Variants in NALF1 observed in about 807,000 individuals in gnomAD.
The protein encoded by NALF1 is family with sequence similarity 155 member A.
In NALF1, 3 loss-of-function variants were observed where a neutral mutation model predicts 48.4. The observed-to-expected ratio is 0.06, with a 90% CI of 0.03 to 0.16. The LOEUF (loss-of-function observed/expected upper bound fraction) is 0.16, where lower values mean the gene tolerates loss of function less well. NALF1 is among the 10% of genes least tolerant of loss of function. NALF1 has a pLI of 1.00. For missense variants in NALF1, 526 were observed against 571.5 expected, an observed-to-expected ratio of 0.92 and a Z score of 0.81; for synonymous variants, 262 against 245.7, an observed-to-expected ratio of 1.07 and a Z score of -0.62.
chr13:107,435,245 G>T (rs931151016), intron 1 of NALF1, among the ~76,000 whole-genome samples: 1 of 151,986 alleles, frequency 6.6e-6, no homozygotes, highest in Admixed American at 6.6e-5. Flanking sequence ...ACAAATCGTT[G>T]AGATGTTCCA....
rs925801802 is a variant in NALF1, at chr13:107,349,472, G to A, written c.916-138717C>T. ...GATAAGAAACTGAGGGCCGGGTGCA[G>A]TGGCTCACACCTGTAATCCCAGCAC... On this transcript the variant is annotated intron_variant, in intron 1 of 2. Transcript: ENST00000375915. Among the ~76,000 whole-genome samples the A allele has an allele frequency of 3.9e-5, 6 of 152,160 alleles. No homozygotes were observed. The East Asian group carries it at 1.2e-3, about 29-fold the overall frequency.
At chr13:107,218,991 AACTTCACAGTAAAT>A (rs1338248442) in intron 1 of NALF1, among the ~76,000 whole-genome samples, 8 of 152,242 alleles carry the variant, frequency 5.3e-5, no homozygotes, top group Non-Finnish European at 1.0e-4. Context: ...CCAGTGAATT[AACTTCACAGTAAAT>A]AAGGAAGCGT....
intron 1 of NALF1, among the ~76,000 whole-genome samples, chr13:107,249,291 C>T (rs536445458): frequency 2.6e-5 from 4 of 151,934 alleles, no homozygotes; most frequent in African/African-American, 7.3e-5. Context: ...TGATTTATAG[C>T]GAGGAAATCT....
At chr13:107,421,972 G>A (rs1884196261) in intron 1 of NALF1, among the ~76,000 whole-genome samples, 1 of 152,126 alleles carries the variant, frequency 6.6e-6, no homozygotes, top group Non-Finnish European at 1.5e-5. Context: ...AGGTGACAGT[G>A]AATAAGGCAT....
intron 1 of NALF1, among the ~76,000 whole-genome samples, chr13:107,476,496 AATCT>A (rs1885178731): frequency 1.3e-5 from 2 of 152,086 alleles, no homozygotes; most frequent in African/African-American, 2.4e-5. Context: ...TGTATTATTA[AATCT>A]ATCTAATTAT....
At chr13:107,540,937 G>GT (rs2139119209) in intron 1 of NALF1, among the ~76,000 whole-genome samples, 1 of 152,170 alleles carries the variant, frequency 6.6e-6, no homozygotes, top group African/African-American at 2.4e-5. Flanking sequence ...GACAATTCCA[G>GT]TAACACTTCA....
chr13:107,783,590 G>A (rs1683708446), intron 1 of NALF1, among the ~76,000 whole-genome samples: 1 of 151,756 alleles, frequency 6.6e-6, no homozygotes, highest in Non-Finnish European at 1.5e-5. Context: ...TCTGAAACAT[G>A]TGCTGTGTCC....
chr13:107,507,079 GT>G (rs1875718880), intron 1 of NALF1, among the ~76,000 whole-genome samples: 1 of 152,016 alleles, frequency 6.6e-6, no homozygotes, highest in Non-Finnish European at 1.5e-5. Flanking sequence ...TGAATAGTTG[GT>G]TCTTTCACGA....
At chr13:107,423,861 A>G (rs899787603) in intron 1 of NALF1, among the ~76,000 whole-genome samples, 2 of 152,204 alleles carry the variant, frequency 1.3e-5, no homozygotes, top group African/African-American at 4.8e-5. Flanking sequence ...TATCTTCCAA[A>G]AGCTTTAGAA....
rs77228679 is a variant in NALF1, at chr13:107,271,709, G to A, written c.916-60954C>T. Among the ~76,000 whole-genome samples the A allele has an allele frequency of 5.0e-3, 740 of 148,568 alleles. 8 individuals carry two copies. Among genetic ancestry groups the A allele is most frequent in the African/African-American group, 0.018 (703 of 39,926 alleles). ...CTAATACAAATAAGGTAAACCCTCA[G>A]AGCCCTGTGTCTGTACAAGTGTGTG... On this transcript the variant is annotated intron_variant, in intron 1 of 2. Transcript: ENST00000375915.
chr13:107,392,869 G>C (rs2138984451), intron 1 of NALF1, among the ~76,000 whole-genome samples: 1 of 152,122 alleles, frequency 6.6e-6, no homozygotes, highest in South Asian at 2.1e-4. Context: ...CTACCATCCT[G>C]GACTCTTGGC....
intron 1 of NALF1, among the ~76,000 whole-genome samples, chr13:107,262,250 A>G (rs1880941810): frequency 6.6e-6 from 1 of 152,044 alleles, no homozygotes; most frequent in Non-Finnish European, 1.5e-5. Context: ...CCCCATCTTT[A>G]CCAAAAATAC....
At chr13:107,305,170 A>G (rs1881911280) in intron 1 of NALF1, among the ~76,000 whole-genome samples, 1 of 152,198 alleles carries the variant, frequency 6.6e-6, no homozygotes, top group Non-Finnish European at 1.5e-5. Context: ...AGTTACAGAC[A>G]CTCACAACAT....
chr13:107,341,640 C>G (rs912021581), intron 1 of NALF1, among the ~76,000 whole-genome samples: 1 of 150,708 alleles, frequency 6.6e-6, no homozygotes, highest in Non-Finnish European at 1.5e-5. Flanking sequence ...TATATATACA[C>G]TTGGGTACAT....
At chr13:107,413,287 A>G (rs577382770) in intron 1 of NALF1, among the ~76,000 whole-genome samples, 9 of 152,288 alleles carry the variant, frequency 5.9e-5, no homozygotes, top group African/African-American at 1.7e-4. Flanking sequence ...ATAACTGATA[A>G]CCACACAATT....
At chr13:107,483,240 G>A (rs1178411446) in intron 1 of NALF1, among the ~76,000 whole-genome samples, 1 of 152,114 alleles carries the variant, frequency 6.6e-6, no homozygotes, top group Non-Finnish European at 1.5e-5. Flanking sequence ...AGCTAAGCTA[G>A]GTAAAGTGCA....
intron 1 of NALF1, among the ~76,000 whole-genome samples, chr13:107,358,972 G>A (rs1043534216): frequency 1.3e-5 from 2 of 152,006 alleles, no homozygotes; most frequent in Non-Finnish European, 2.9e-5. Context: ...TAAAAATTCT[G>A]GACATTTTTG....
intron 2 of NALF1, among the ~76,000 whole-genome samples, chr13:107,202,930 G>A (rs1012425240): frequency 6.6e-6 from 1 of 152,176 alleles, no homozygotes; most frequent in Non-Finnish European, 1.5e-5. Flanking sequence ...GCAATTGCTT[G>A]TTTTGAGGGA....
At chr13:107,692,669 T>C (rs1881593538) in intron 1 of NALF1, among the ~76,000 whole-genome samples, 1 of 152,146 alleles carries the variant, frequency 6.6e-6, no homozygotes. Context: ...GCCAAAACTA[T>C]GCATTATAAG....
Sources: allele counts gnomAD v4.1 joint callset (sites outside exome capture counted in the v4.1 genomes callset), GRCh38; gene constraint gnomAD v4.1.1; transcripts MANE v1.5; gene names NCBI Gene and HGNC (gene_info 2026-07-23, HGNC 2026-07-21).